The following RAB3B variants were observed in gnomAD, a reference collection of about 807,000 sequenced individuals.
The protein encoded by RAB3B is ras-related protein Rab-3B.
In RAB3B, 11 loss-of-function variants were observed where a neutral mutation model predicts 20.5. That is an observed-to-expected ratio of 0.54 (90% CI 0.34 to 0.89). The LOEUF is 0.89. Among genes scored for constraint, RAB3B ranks in the 40% least tolerant of loss-of-function variants. The probability of loss-of-function intolerance (pLI) is 0.02; values close to 1 mark genes in which losing one functional copy is unlikely to be tolerated. For missense variants in RAB3B, 225 were observed against 280.9 expected (o/e 0.80, Z 1.42); for synonymous variants, 99 against 106.3 (o/e 0.93, Z 0.42).
chr1:51,957,917 G>A (rs1197999698), intron 2 of RAB3B, among the ~76,000 whole-genome samples: 1 of 152,206 alleles, frequency 6.6e-6, no homozygotes, highest in African/African-American at 2.4e-5. Flanking sequence ...CACCGGTGGG[G>A]GAGGCCGGTA....
intron 2 of RAB3B, among the ~76,000 whole-genome samples, chr1:51,967,285 C>G (rs1341074694): frequency 6.6e-6 from 1 of 151,758 alleles, no homozygotes; most frequent in African/African-American, 2.4e-5. Flanking sequence ...GGCACTCCAG[C>G]CTGGGCAACA....
At chr1:51,948,653 T>C (rs892846304) in intron 2 of RAB3B, among the ~76,000 whole-genome samples, 4 of 152,184 alleles carry the variant, frequency 2.6e-5, no homozygotes, top group Non-Finnish European at 4.4e-5. Flanking sequence ...CCTGAGGTAA[T>C]GCTCTCTCTT....
rs1212322667 is a variant in RAB3B, at chr1:51,910,566, A to G, written c.*9361T>C. 6.6e-6 allele frequency: 1 copy of G among 152,190 alleles called. No individual in the cohort carries two copies. The highest frequency in any genetic ancestry group is 2.4e-5 in the African/African-American group (1 of 41,440). The allele number at this position is 152,190 out of a possible 1,614,324, so 9.4% of individuals were successfully genotyped here. ...CCAGGACCATACGCCTGGCTAAGTGATGAGGGGGTCACACAGCCTTGGCTC... is the reference window on the plus strand; with the variant it reads ...CCAGGACCATACGCCTGGCTAAGTGGTGAGGGGGTCACACAGCCTTGGCTC... On this transcript the variant is annotated 3_prime_UTR_variant, in exon 5 of 5. Transcript: ENST00000371655.
At chr1:51,955,374 G>A (rs1410612924) in intron 2 of RAB3B, among the ~76,000 whole-genome samples, 2 of 152,056 alleles carry the variant, frequency 1.3e-5, no homozygotes, top group East Asian at 3.9e-4. Context: ...TTGGCACCTG[G>A]CCCAGGGACT....
At chr1:51,946,793 CCTTT>C (rs1344981239) in intron 2 of RAB3B, among the ~76,000 whole-genome samples, 1 of 152,118 alleles carries the variant, frequency 6.6e-6, no homozygotes, top group Non-Finnish European at 1.5e-5. Context: ...TTAGTAGGCA[CCTTT>C]CTTATTTTAT....
Position 51,976,202 on chromosome 1 carries a change from G to A in RAB3B, c.228+688C>T, listed in dbSNP as rs113276871. On this transcript the variant is annotated intron_variant, in intron 2 of 4. Coordinates refer to ENST00000371655, the MANE Select transcript of RAB3B (RefSeq NM_002867.4). Reference sequence around the variant, plus strand: ...TTTATTTGAGATGGAGTCTCGCTCCGTTGCACAGGCTGGAGTGCAGTGGCA... The same window carrying A: ...TTTATTTGAGATGGAGTCTCGCTCCATTGCACAGGCTGGAGTGCAGTGGCA... Among the ~76,000 whole-genome samples, 400 of 151,826 alleles carry A rather than the reference G, an allele frequency of 2.6e-3. 2 individuals are homozygous for A. The highest frequency in any genetic ancestry group is 8.5e-3 in the African/African-American group (351 of 41,354).
intron 4 of RAB3B, among the ~76,000 whole-genome samples, chr1:51,920,909 C>T (rs1175170193): frequency 2.6e-5 from 4 of 152,254 alleles, no homozygotes; most frequent in South Asian, 2.1e-4. Flanking sequence ...TCCACTAAAA[C>T]GATCCAATAG....
chr1:51,977,903 G>T (rs1243064515), intron 1 of RAB3B, among the ~76,000 whole-genome samples: 1 of 152,142 alleles, frequency 6.6e-6, no homozygotes, highest in African/African-American at 2.4e-5. Context: ...ACTAACCAAA[G>T]AGGCAATTCT....
intron 2 of RAB3B, among the ~76,000 whole-genome samples, chr1:51,976,385 C>T (rs1685009540): frequency 6.6e-6 from 1 of 152,016 alleles, no homozygotes; most frequent in South Asian, 2.1e-4. Context: ...CAGTCTGGCA[C>T]TATGAACTTA....
At chr1:51,935,981 C>T (rs572537155) in intron 3 of RAB3B, among the ~76,000 whole-genome samples, 1 of 152,270 alleles carries the variant, frequency 6.6e-6, no homozygotes, top group South Asian at 2.1e-4. Flanking sequence ...GGGAGTGCAG[C>T]AGGCAGCCCA....
At chr1:51,980,280 T>C (rs1006367419) in intron 1 of RAB3B, among the ~76,000 whole-genome samples, 13 of 151,886 alleles carry the variant, frequency 8.6e-5, no homozygotes, top group Non-Finnish European at 1.9e-4. Flanking sequence ...AGTAAAAAAT[T>C]AGCCAGCCGT....
chr1:51,988,644 A>G (rs1329390134), intron 1 of RAB3B, among the ~76,000 whole-genome samples: 1 of 152,210 alleles, frequency 6.6e-6, no homozygotes, highest in Non-Finnish European at 1.5e-5. Context: ...GGATGAAGAA[A>G]TTGAGGCAGG....
At position 51,928,073 on chromosome 1, in the gene RAB3B, T is replaced by C. The variant is rs763046693; in HGVS notation, c.472+5245A>G. Among the ~76,000 whole-genome samples, 59 of 152,142 alleles carry C rather than the reference T, an allele frequency of 3.9e-4. 1 individual carries two copies. Among genetic ancestry groups the C allele is most frequent in the Admixed American group, 5.2e-4 (8 of 15,276 alleles). On this transcript the variant is annotated intron_variant, in intron 4 of 4. Coordinates refer to ENST00000371655, the MANE Select transcript of RAB3B (RefSeq NM_002867.4). ...TGATCTCAACCAAGTCCCAGGAACT[T>C]TGAGGATATGGAAGGCCAATCACAA...
intron 2 of RAB3B, among the ~76,000 whole-genome samples, chr1:51,953,699 G>C (rs1372064355): frequency 7.2e-5 from 11 of 152,324 alleles, no homozygotes; most frequent in Middle Eastern, 6.8e-3. Context: ...TTCTTGGGAG[G>C]CTGAGGTAGG....
chr1:51,975,933 A>G (rs1685003560), intron 2 of RAB3B, among the ~76,000 whole-genome samples: 1 of 151,780 alleles, frequency 6.6e-6, no homozygotes, highest in East Asian at 1.9e-4. Context: ...CGGAAGTTGC[A>G]GTGAGCTGAG....
At chr1:51,973,830 G>T (rs977439113) in intron 2 of RAB3B, among the ~76,000 whole-genome samples, 1 of 152,086 alleles carries the variant, frequency 6.6e-6, no homozygotes, top group Non-Finnish European at 1.5e-5. Context: ...CCCTCAGAAG[G>T]GCACAATGCC....
At chr1:51,967,527 T>TTTTTTTTCTTTTTTTTC (rs1684873046) in intron 2 of RAB3B, among the ~76,000 whole-genome samples, 1 of 68,536 alleles carries the variant, frequency 1.5e-5, no homozygotes, top group Non-Finnish European at 3.3e-5. Flanking sequence ...TTTTCTTTTT[T>TTTTTTTTCTTTTTTTTC]TTTTTTTTTT....
rs1684354039 is a variant in RAB3B, at chr1:51,933,403, T to C, written c.387A>G (p.Gln129=). 3 of 1,613,528 alleles carry C rather than the reference T, an allele frequency of 1.9e-6. No homozygotes were observed. Among genetic ancestry groups the C allele is most frequent in the Non-Finnish European group, 2.5e-6 (3 of 1,179,578 alleles). ...CACACTTGTTCCCCACCAGAATAAC[T>C]TGTGCATTGTCCCAGGAGTAGGTCT... ...QIKTYSWDNA[Q]VILVGNKCDM... The change falls in exon 4 of 5, where the codon CAA becomes CAG. Residue 129 remains glutamine (Q), a synonymous_variant. Coordinates refer to ENST00000371655, the MANE Select transcript of RAB3B (RefSeq NM_002867.4).
chr1:51,943,568 G>A (rs529321221), intron 2 of RAB3B, among the ~76,000 whole-genome samples: 1 of 152,286 alleles, frequency 6.6e-6, no homozygotes, highest in Non-Finnish European at 1.5e-5. Context: ...TGTACCAAAC[G>A]TTAGCCAAAT....
Sources: gnomAD v4.1 joint callset for allele counts (sites outside exome capture counted in the v4.1 genomes callset) on GRCh38, gnomAD v4.1.1 for gene constraint, MANE v1.5 for transcripts, NCBI Gene and HGNC (gene_info 2026-07-23, HGNC 2026-07-21) for gene names.